FBXO32: variants seen among roughly 807,000 people sequenced by gnomAD.
FBXO32 encodes the protein F-box protein 32.
Under a neutral mutation model 48.3 loss-of-function variants are expected in FBXO32, and 15 were observed. The ratio of observed to expected loss-of-function variants is 0.31; its 90% CI spans 0.21 to 0.48. The LOEUF is 0.48. Among genes scored for constraint, FBXO32 ranks in the 20% least tolerant of loss-of-function variants. The pLI, the probability that FBXO32 is intolerant of heterozygous loss-of-function variation, is 0.99. For synonymous variants in FBXO32, 154 were observed against 165.9 expected, an observed-to-expected ratio of 0.93 and a Z score of 0.55; for missense variants, 309 against 432.7, an observed-to-expected ratio of 0.71 and a Z score of 2.54.
chr8:123,518,899 G>A (rs917802484), intron 4 of FBXO32, among the ~76,000 whole-genome samples: 1 of 152,100 alleles, frequency 6.6e-6, no homozygotes, highest in Non-Finnish European at 1.5e-5. Context: ...ATGGCTCACT[G>A]TAGCCTTTAC....
chr8:123,531,609 G>C (rs1306495890), intron 4 of FBXO32, among the ~76,000 whole-genome samples: 3 of 152,208 alleles, frequency 2.0e-5, no homozygotes, highest in African/African-American at 7.2e-5. Context: ...GCTCGGAAGG[G>C]GCCTGGTGTG....
chr8:123,511,186 T>A (rs1156652816), intron 6 of FBXO32, among the ~76,000 whole-genome samples: 3 of 152,228 alleles, frequency 2.0e-5, no homozygotes, highest in Non-Finnish European at 4.4e-5. Context: ...CTTTGCCATT[T>A]TAGGAATACG....
rs1237912343 is a variant in FBXO32, at chr8:123,506,696, C to T, written c.652-122G>A. 7 of 771,808 alleles carry T rather than the reference C, an allele frequency of 9.1e-6. No individual in the cohort carries two copies. Among genetic ancestry groups the T allele is most frequent in the African/African-American group, 3.5e-5 (2 of 56,946 alleles). 47.8% of individuals were successfully genotyped at this position (771,808 alleles called of 1,614,324 possible). A position where few individuals can be genotyped will look rare whatever the true frequency, so the allele number is the denominator to read the frequency against. On this transcript the variant is annotated intron_variant, in intron 6 of 8. Coordinates refer to ENST00000517956, the MANE Select transcript of FBXO32 (RefSeq NM_058229.4). The surrounding 1 kb of genome is among the most constrained non-coding windows in gnomAD (Gnocchi z 4.0). ...TCAAGGCAGTTTATTGATAAGAGGT[C>T]GAAAGCAGTAGTAAATCTCCCCATC...
chr8:123,526,062 T>G (rs1484964231), intron 4 of FBXO32, among the ~76,000 whole-genome samples: 2 of 152,142 alleles, frequency 1.3e-5, no homozygotes, highest in African/African-American at 4.8e-5. Flanking sequence ...ATAAACTTCT[T>G]ACTACACATG....
At position 123,525,830 on chromosome 8, in the gene FBXO32, C is replaced by G. The variant is rs892829297; in HGVS notation, c.372+6068G>C. Among the ~76,000 whole-genome samples, 3 of 152,130 alleles carry G rather than the reference C, an allele frequency of 2.0e-5. No individual in the cohort carries two copies. Among genetic ancestry groups the G allele is most frequent in the Non-Finnish European group, 2.9e-5 (2 of 68,016 alleles). On this transcript the variant is annotated intron_variant, in intron 4 of 8. Coordinates refer to ENST00000517956, the MANE Select transcript of FBXO32 (RefSeq NM_058229.4). This position sits in a 1 kb window ranked among gnomAD's most constrained non-coding sequence, Gnocchi z 4.3. ...ATGGAATTCGTAAACCACAAAGTAA[C>G]AGATTTATAATTTGCTGGTTGATGG...
At chr8:123,515,903 A>AATT (rs1474585997) in intron 4 of FBXO32, among the ~76,000 whole-genome samples, 2 of 152,148 alleles carry the variant, frequency 1.3e-5, no homozygotes, top group Non-Finnish European at 2.9e-5. Context: ...GAGGCAGGAG[A>AATT]ATTGCTTGAA....
Position 123,506,270 on chromosome 8 carries a change from G to A in FBXO32, c.834+122C>T, listed in dbSNP as rs1342194302. The stretch of plus-strand genomic sequence containing the variant: ...AAACTCCTTCAACTGTCATTTTTCA[G>A]TCAAACCAGGGAACCTGGAATAGGG... On this transcript the variant is annotated intron_variant, in intron 7 of 8. Transcript: ENST00000517956. The surrounding 1 kb of genome is among the most constrained non-coding windows in gnomAD (Gnocchi z 4.0). The A allele has an allele frequency of 6.4e-6, 7 of 1,101,622 alleles. No homozygotes were observed. The highest frequency in any genetic ancestry group is 9.1e-6 in the Non-Finnish European group (7 of 765,230). 68.2% of individuals were successfully genotyped at this position (1,101,622 alleles called of 1,614,324 possible).
intron 4 of FBXO32, among the ~76,000 whole-genome samples, chr8:123,528,361 C>CA (rs1817131345): frequency 1.3e-5 from 2 of 152,220 alleles, no homozygotes; most frequent in South Asian, 4.1e-4. Flanking sequence ...CTCATGGTTA[C>CA]AAACTTCCAG....
intron 1 of FBXO32, 84 bp from the exon 2 acceptor site, chr8:123,534,898 A>ATT: frequency 3.8e-6 from 3 of 780,400 alleles, no homozygotes; most frequent in Non-Finnish European, 6.3e-6. Flanking sequence ...TCACTGAGTT[A>ATT]TAAGACAAAC....
chr8:123,518,310 T>C (rs1242394923), intron 4 of FBXO32, among the ~76,000 whole-genome samples: 1 of 152,222 alleles, frequency 6.6e-6, no homozygotes, highest in Non-Finnish European at 1.5e-5. Context: ...TAAATTATTA[T>C]TGTTAGCTTT....
intron 4 of FBXO32, among the ~76,000 whole-genome samples, chr8:123,514,948 C>A (rs1816807552): frequency 6.6e-6 from 1 of 152,216 alleles, no homozygotes; most frequent in Non-Finnish European, 1.5e-5. Context: ...TATGATGTCA[C>A]TGTGGCTAAA....
At chr8:123,524,908 C>A (rs536512624) in intron 4 of FBXO32, among the ~76,000 whole-genome samples, 1 of 152,322 alleles carries the variant, frequency 6.6e-6, no homozygotes, top group South Asian at 2.1e-4. Context: ...CCAGATAGCA[C>A]CAGTTTAAAG....
Position 123,506,712 on chromosome 8 carries a change from T to A in FBXO32, c.652-138A>T. ...ATAAGAGGTCGAAAGCAGTAGTAAA[T>A]CTCCCCATCCTAAATGCAGACAGGA... On this transcript the variant is annotated intron_variant, in intron 6 of 8. Transcript: ENST00000517956. This position sits in a 1 kb window ranked among gnomAD's most constrained non-coding sequence, Gnocchi z 4.0. 2 of 682,732 alleles carry A rather than the reference T, an allele frequency of 2.9e-6. No individual in the cohort carries two copies. The highest frequency in any genetic ancestry group is 5.0e-6 in the Non-Finnish European group (2 of 400,994). 42.3% of individuals were successfully genotyped at this position (682,732 alleles called of 1,614,324 possible).
chr8:123,537,054 AG>A (rs1817322809), intron 1 of FBXO32, among the ~76,000 whole-genome samples: 1 of 152,344 alleles, frequency 6.6e-6, no homozygotes, highest in Non-Finnish European at 1.5e-5. Flanking sequence ...CCTGGAAAGA[AG>A]GGCTATGGGG....
intron 8 of FBXO32, 115 bp downstream of exon 8, chr8:123,504,489 T>C: frequency 2.0e-6 from 1 of 504,072 alleles, no homozygotes; most frequent in Non-Finnish European, 2.9e-6. Context: ...CACTTTCAGC[T>C]GGGGGCTGTG....
chr8:123,531,928 C>T lies in FBXO32; in HGVS notation c.342G>A (p.Leu114=). The T allele has an allele frequency of 7.4e-6, 12 of 1,614,138 alleles. No homozygotes were observed. The highest frequency in any genetic ancestry group is 1.0e-5 in the Non-Finnish European group (12 of 1,180,018). Residue 114 remains leucine, a synonymous_variant, in exon 4 of 9, where the codon CTG becomes CTA. Coordinates refer to ENST00000517956, the MANE Select transcript of FBXO32 (RefSeq NM_058229.4). Reference sequence around the variant, plus strand: ...CCACGTAGTTAAATCTTCTGGAATCCAGAATGGCAGTTGAGAAGTCCAGTC... The same window carrying T: ...CCACGTAGTTAAATCTTCTGGAATCTAGAATGGCAGTTGAGAAGTCCAGTC... ...FNRLDFSTAI[L]DSRRFNYVVR...
chr8:123,503,596 C>T, intron 8 of FBXO32, 134 bp from the exon 9 acceptor site: 2 of 642,150 alleles, frequency 3.1e-6, no homozygotes, highest in Non-Finnish European at 2.8e-6. Context: ...TGCATGTTCT[C>T]ACTCGTATGT....
Position 123,500,504 on chromosome 8 carries a change from T to G in FBXO32, c.*2869A>C, listed in dbSNP as rs1375239265. On this transcript the variant is annotated 3_prime_UTR_variant, in exon 9 of 9. Transcript: ENST00000517956. ...CAGTTCTGAGACAGGGATTATTTGC[T>G]TTTGTTTGATAGGTCAGGTTGTCTG... 1 of 152,230 alleles carries G rather than the reference T, an allele frequency of 6.6e-6. No homozygotes were observed. The highest frequency in any genetic ancestry group is 1.5e-5 in the Non-Finnish European group (1 of 68,054). 9.4% of individuals were successfully genotyped at this position (152,230 alleles called of 1,614,324 possible).
At chr8:123,516,224 A>G (rs191645213) in intron 4 of FBXO32, among the ~76,000 whole-genome samples, 1 of 152,340 alleles carries the variant, frequency 6.6e-6, no homozygotes, top group Non-Finnish European at 1.5e-5. Flanking sequence ...AAAGAGGTTG[A>G]TATAAAGTGA....
Sources: allele counts gnomAD v4.1 joint callset (sites outside exome capture counted in the v4.1 genomes callset), GRCh38; gene constraint gnomAD v4.1.1; non-coding constraint Gnocchi (gnomAD v3.1); transcripts MANE v1.5; gene names NCBI Gene and HGNC (gene_info 2026-07-23, HGNC 2026-07-21).